The following FGFR1 variants were observed in gnomAD, a reference collection of about 807,000 sequenced individuals.
FGFR1 encodes fibroblast growth factor receptor 1, also known as FGFR1/PLAG1 fusion.
Under a neutral mutation model 93.7 loss-of-function variants are expected in FGFR1, and 18 were observed. The ratio of observed to expected loss-of-function variants is 0.19; its 90% confidence interval spans 0.13 to 0.28. The LOEUF (loss-of-function observed/expected upper bound fraction) is 0.28, where lower values mean the gene tolerates loss of function less well. Ranked by LOEUF, FGFR1 falls within the 10% of genes least tolerant of loss-of-function variation. FGFR1 has a pLI of 1.00. For missense variants in FGFR1, 731 were observed against 1,080.4 expected (o/e 0.68, Z 4.53); for synonymous variants, 448 against 429.3 (o/e 1.04, Z -0.54).
intron 2 of FGFR1, among the ~76,000 whole-genome samples, chr8:38,432,410 A>AT (rs34918365): frequency 0.1 from 13,683 of 135,928 alleles, 776 homozygotes; most frequent in Middle Eastern, 0.21. Context: ...CTCGGGATAA[A>AT]TTTTTTTTTT....
Position 38,424,534 on chromosome 8 carries a change from T to C in FGFR1, c.911A>G (p.Asn304Ser), listed in dbSNP as rs896498971. The part of the protein sequence containing the change: ...EVNGSKIGPD[N>S]LPYVQILKTA... Reference sequence around the variant, plus strand: ...CTTCAAGATCTGGACATAAGGCAGGTTGTCTGGGCCAATCTTGCTCCCATT... The same window carrying C: ...CTTCAAGATCTGGACATAAGGCAGGCTGTCTGGGCCAATCTTGCTCCCATT... Residue 304 changes from asparagine to serine, a missense_variant, in exon 7 of 18, where the codon AAC becomes AGC. By Grantham distance (46) the Asn-to-Ser change is conservative. Around this residue, in one of 10 missense-constraint regions of FGFR1, gnomAD observed 109 missense variants for 249.4 expected, o/e 0.44. Coordinates refer to ENST00000447712, the MANE Select transcript of FGFR1 (RefSeq NM_023110.3). This position sits in a 1 kb window ranked among gnomAD's most constrained non-coding sequence, Gnocchi z 4.3. 5 of 1,614,090 alleles carry C rather than the reference T, an allele frequency of 3.1e-6. No individual in the cohort carries two copies. Among genetic ancestry groups the C allele is most frequent in the South Asian group, 1.1e-5 (1 of 91,082 alleles).
rs1822101223 is a variant in FGFR1, at chr8:38,429,593, G to C, written c.358+89C>G. ...GCAGAGTGGGGGCAGATCACGGAGG[G>C]GGAGGAGGTTCACCTTCCTCTGAAA... On this transcript the variant is annotated intron_variant, in intron 3 of 17. Transcript: ENST00000447712. The surrounding 1 kb of genome is among the most constrained non-coding windows in gnomAD (Gnocchi z 4.4). 14 of 1,364,072 alleles carry C rather than the reference G, an allele frequency of 1.0e-5. No homozygotes were observed. Among genetic ancestry groups the C allele is most frequent in the Non-Finnish European group, 1.4e-5 (14 of 987,306 alleles). The allele number at this position is 1,364,072 out of a possible 1,614,324, so 84.5% of individuals were successfully genotyped here.
chr8:38,452,158 C>T (rs985059137), intron 2 of FGFR1, among the ~76,000 whole-genome samples: 18 of 151,078 alleles, frequency 1.2e-4, no homozygotes, highest in African/African-American at 3.9e-4. Context: ...GTTGGTACTG[C>T]GCTCAGTGGG....
At position 38,411,898 on chromosome 8, in the gene FGFR1, GA is replaced by G. The variant is rs1441835352; in HGVS notation, c.*1729del. 8.7e-6 allele frequency: 2 copies of G among 229,150 alleles called. No individual in the cohort carries two copies. The highest frequency in any genetic ancestry group is 4.4e-5 in the African/African-American group (2 of 45,120). The allele number at this position is 229,150 out of a possible 1,614,324, so 14.2% of individuals were successfully genotyped here. On this transcript the variant is annotated 3_prime_UTR_variant, in exon 18 of 18. Transcript: ENST00000447712. Reference sequence around the variant, plus strand: ...ATACAGTCTGGTCACATGGATACAGGAAGGACGATCTGGGGAGGCATACCAA... The same window carrying G: ...ATACAGTCTGGTCACATGGATACAGGAGGACGATCTGGGGAGGCATACCAA...
At chr8:38,415,510 C>T (rs963891869) in intron 13 of FGFR1, among the ~76,000 whole-genome samples, 1 of 151,680 alleles carries the variant, frequency 6.6e-6, no homozygotes, top group Admixed American at 6.6e-5. Flanking sequence ...ATATATTGCC[C>T]AACCTGGTCT....
chr8:38,458,268 C>T (rs71517712), intron 1 of FGFR1, among the ~76,000 whole-genome samples: 26 of 151,854 alleles, frequency 1.7e-4, no homozygotes, highest in Admixed American at 3.9e-4. Flanking sequence ...AGGCCAGGTG[C>T]GGTGGCTCAC....
rs2150959862 is a variant in FGFR1 at position 38,429,790 on chromosome 8, C to T, written c.250G>A (p.Glu84Lys). 2.5e-6 allele frequency: 4 copies of T among 1,612,546 alleles called. No individual in the cohort carries two copies. The highest frequency in any genetic ancestry group is 3.4e-6 in the Non-Finnish European group (4 of 1,179,432). ...AESNRTRITG[E>K]EVEVQDSVPA... ...ACGGAGTCCTGCACCTCCACCTCCTCCCCTGTGATGCGGGTGCGGTTGCTT... is the reference window on the plus strand; with the variant it reads ...ACGGAGTCCTGCACCTCCACCTCCTTCCCTGTGATGCGGGTGCGGTTGCTT... The change falls in exon 3 of 18, where the codon GAG becomes AAG. Residue 84 changes from glutamate (E) to lysine (K), a missense_variant. By Grantham distance (56) the Glu-to-Lys change is moderately conservative. Transcript: ENST00000447712. This position sits in a 1 kb window ranked among gnomAD's most constrained non-coding sequence, Gnocchi z 4.4.
intron 2 of FGFR1, among the ~76,000 whole-genome samples, chr8:38,437,665 G>A (rs753437624): frequency 6.6e-6 from 1 of 152,190 alleles, no homozygotes; most frequent in African/African-American, 2.4e-5. Context: ...ATGAGGCCAG[G>A]CTGTACAGCT....
intron 2 of FGFR1, among the ~76,000 whole-genome samples, chr8:38,432,648 G>A (rs1458669291): frequency 6.6e-6 from 1 of 152,090 alleles, no homozygotes; most frequent in East Asian, 1.9e-4. Context: ...CTCGTGATCT[G>A]CCTGCCTCGG....
At chr8:38,439,104 C>CCTTGTGACCAGGTGA (rs906718720) in intron 2 of FGFR1, among the ~76,000 whole-genome samples, 5 of 152,180 alleles carry the variant, frequency 3.3e-5, no homozygotes, top group Non-Finnish European at 5.9e-5. Flanking sequence ...GGGCCTGCTT[C>CCTTGTGACCAGGTGA]CTTGTGACCA....
At chr8:38,437,680 AG>A (rs771986012) in intron 2 of FGFR1, among the ~76,000 whole-genome samples, 3 of 152,198 alleles carry the variant, frequency 2.0e-5, no homozygotes, top group Non-Finnish European at 2.9e-5. Context: ...ACAGCTGGCC[AG>A]GAACAGAAGG....
rs534415309 is a variant in FGFR1, at chr8:38,460,610, C to T, written c.-88-3076G>A. On this transcript the variant is annotated intron_variant, in intron 1 of 17. Coordinates refer to ENST00000447712, the MANE Select transcript of FGFR1 (RefSeq NM_023110.3). ...TCTGCCAGCTTCCCTCTTGTTCTTT[C>T]CCAAAAAAGGTACAAAAAGTCTCTT... 2.6e-5 allele frequency among the ~76,000 whole-genome samples: 4 copies of T among 152,302 alleles called. No homozygotes were observed. The East Asian group carries it at 7.7e-4, about 29-fold the overall frequency.
chr8:38,431,726 A>G (rs535181721), intron 2 of FGFR1, among the ~76,000 whole-genome samples: 2 of 152,314 alleles, frequency 1.3e-5, no homozygotes, highest in South Asian at 2.1e-4. Context: ...TGTCAGAAAC[A>G]GGGGTACTGC....
rs1164128939 is a variant in FGFR1 at position 38,429,673 on chromosome 8, G to A, written c.358+9C>T. On this transcript the variant is annotated intron_variant, in intron 3 of 17. Transcript: ENST00000447712. This position sits in a 1 kb window ranked among gnomAD's most constrained non-coding sequence, Gnocchi z 4.4. ...TAGGGAGGGGCAAGGGCAGGGCTTG[G>A]CTACCAACCTGAAACATTGACGGAG... The A allele has an allele frequency of 1.3e-6, 2 of 1,562,080 alleles. No homozygotes were observed. Among genetic ancestry groups the A allele is most frequent in the Non-Finnish European group, 1.7e-6 (2 of 1,152,768 alleles).
rs778653391 is a variant in FGFR1, at chr8:38,429,308, C to T, written c.358+374G>A. On this transcript the variant is annotated intron_variant, in intron 3 of 17. Transcript: ENST00000447712. This position sits in a 1 kb window ranked among gnomAD's most constrained non-coding sequence, Gnocchi z 4.4. ...CTGTTCAGGGCCTCTAATCACTAAG[C>T]CGAGTACCAAGTCCAAATGGCAAGG... 3.6e-6 allele frequency: 2 copies of T among 553,396 alleles called. No individual in the cohort carries two copies. The highest frequency in any genetic ancestry group is 3.0e-4 in the Middle Eastern group (1 of 3,354). The allele number at this position is 553,396 out of a possible 1,614,324, so 34.3% of individuals were successfully genotyped here.
At chr8:38,460,014 G>A (rs1427773811) in intron 1 of FGFR1, among the ~76,000 whole-genome samples, 2 of 151,974 alleles carry the variant, frequency 1.3e-5, no homozygotes, top group East Asian at 1.9e-4. Context: ...GAAATTCCTC[G>A]TCTACTAAAA....
intron 2 of FGFR1, chr8:38,430,233 C>CA (rs1822472107): frequency 3.0e-5 from 11 of 369,802 alleles, no homozygotes; most frequent in South Asian, 1.7e-4. Flanking sequence ...CAGCATTAAG[C>CA]GCATTTCATT....
At chr8:38,448,129 T>C (rs1829938459) in intron 2 of FGFR1, among the ~76,000 whole-genome samples, 1 of 152,182 alleles carries the variant, frequency 6.6e-6, no homozygotes, top group South Asian at 2.1e-4. Flanking sequence ...CAGGTTTACA[T>C]AAATGCAAGA....
Position 38,413,973 on chromosome 8 carries a change from G to T in FGFR1, c.2237C>A (p.Thr746Asn), listed in dbSNP as rs760108543. 2 of 1,614,118 alleles carry T rather than the reference G, an allele frequency of 1.2e-6. No individual in the cohort carries two copies. The highest frequency in any genetic ancestry group is 2.2e-5 in the South Asian group (2 of 91,080). Residue 746 changes from threonine to asparagine, a missense_variant, in exon 17 of 18, where the codon ACC becomes AAC. By Grantham distance (65) the Thr-to-Asn change is moderately conservative. Around this residue, in one of 10 missense-constraint regions of FGFR1, gnomAD observed 35 missense variants for 78.0 expected, o/e 0.45. Transcript: ENST00000447712. The surrounding 1 kb of genome is among the most constrained non-coding windows in gnomAD (Gnocchi z 4.2). ...CWHAVPSQRPTFKQLVEDLDR... is the reference protein window; with the variant it reads ...CWHAVPSQRPNFKQLVEDLDR... The stretch of plus-strand genomic sequence containing the variant: ...CAGGTCTTCCACCAGCTGCTTGAAG[G>T]TGGGTCTCTGTGAGGGCACTGCATG...
Sources: allele counts gnomAD v4.1 joint callset (sites outside exome capture counted in the v4.1 genomes callset), GRCh38; gene constraint gnomAD v4.1.1; regional missense constraint gnomAD v4.1.1; non-coding constraint Gnocchi (gnomAD v3.1); transcripts MANE v1.5; gene names NCBI Gene and HGNC (gene_info 2026-07-23, HGNC 2026-07-21).